SLC35F3: variants seen among roughly 807,000 people sequenced by gnomAD.
SLC35F3 encodes the protein solute carrier family 35 member F3.
SLC35F3 carries 25 observed loss-of-function variants against 49.9 expected under a neutral mutation model. That is an observed-to-expected ratio of 0.50 (90% CI 0.37 to 0.70). The LOEUF (loss-of-function observed/expected upper bound fraction) is 0.70. Among genes scored for constraint, SLC35F3 ranks in the 30% least tolerant of loss-of-function variants. The pLI is 0.00. For missense variants in SLC35F3, 525 were observed against 639.8 expected (o/e 0.82, Z 1.94); for synonymous variants, 275 against 265.4 (o/e 1.04, Z -0.35).
At chr1:234,238,959 T>A (rs77777505) in intron 3 of SLC35F3, among the ~76,000 whole-genome samples, 1 of 152,174 alleles carries the variant, frequency 6.6e-6, no homozygotes, top group African/African-American at 2.4e-5. Flanking sequence ...TCAATTTCAC[T>A]GAAATTCTTT....
At chr1:234,207,608 G>C (rs1051071167) in intron 2 of SLC35F3, among the ~76,000 whole-genome samples, 1 of 151,558 alleles carries the variant, frequency 6.6e-6, no homozygotes, top group Non-Finnish European at 1.5e-5. Context: ...TTACCTAGTT[G>C]GTGGTTTTCT....
chr1:234,150,174 C>T (rs182680006), intron 2 of SLC35F3, among the ~76,000 whole-genome samples: 98 of 152,306 alleles, frequency 6.4e-4, no homozygotes, highest in African/African-American at 2.3e-3. Flanking sequence ...GCTAATTGTC[C>T]GCATTTAAAT....
At chr1:234,098,129 C>T (rs1172257248) in intron 2 of SLC35F3, among the ~76,000 whole-genome samples, 1 of 115,430 alleles carries the variant, frequency 8.7e-6, no homozygotes, top group Non-Finnish European at 1.7e-5. Context: ...GTGGTGGTGG[C>T]AGTTCAGATG....
Position 233,974,370 on chromosome 1 carries a change from C to T in SLC35F3, c.283+68612C>T, listed in dbSNP as rs558283118. Reference sequence around the variant, plus strand: ...CGGCAGATTTTGTATTTTTAGTAGACGTAGTTTCTCCATGTTGGCCAGGCT... The same window carrying T: ...CGGCAGATTTTGTATTTTTAGTAGATGTAGTTTCTCCATGTTGGCCAGGCT... On this transcript the variant is annotated intron_variant, in intron 2 of 7. Coordinates refer to ENST00000366618, the MANE Select transcript of SLC35F3 (RefSeq NM_173508.4). Among the ~76,000 whole-genome samples the T allele has an allele frequency of 1.3e-4, 19 of 151,852 alleles. 1 individual carries two copies. In the East Asian group the frequency reaches 2.3e-3, roughly 19 times the overall value.
chr1:234,092,154 C>A (rs1192299653), intron 2 of SLC35F3, among the ~76,000 whole-genome samples: 3 of 152,198 alleles, frequency 2.0e-5, no homozygotes, highest in Non-Finnish European at 4.4e-5. Context: ...GGAAGTTTCT[C>A]CTGGAGGTTT....
At chr1:233,981,003 G>T (rs991726262) in intron 2 of SLC35F3, among the ~76,000 whole-genome samples, 5 of 152,142 alleles carry the variant, frequency 3.3e-5, no homozygotes, top group African/African-American at 1.2e-4. Flanking sequence ...TCACACACAT[G>T]GGAAGTGTCT....
chr1:233,986,568 CAT>C (rs1663269372), intron 2 of SLC35F3, among the ~76,000 whole-genome samples: 2 of 152,224 alleles, frequency 1.3e-5, no homozygotes, highest in South Asian at 4.1e-4. Context: ...ATAAAATATA[CAT>C]ATGTTTATGT....
intron 2 of SLC35F3, among the ~76,000 whole-genome samples, chr1:234,066,082 A>G (rs1054152135): frequency 6.6e-6 from 1 of 152,352 alleles, no homozygotes; most frequent in Admixed American, 6.5e-5. Context: ...TTTGGGGTCC[A>G]GTAGCTCGCT....
intron 1 of SLC35F3, among the ~76,000 whole-genome samples, 198 bp downstream of exon 1, chr1:233,905,328 T>C (rs945926930): frequency 6.6e-6 from 1 of 152,074 alleles, no homozygotes; most frequent in Non-Finnish European, 1.5e-5. Flanking sequence ...ACGCCCAGGA[T>C]AGGGCACTGG....
intron 2 of SLC35F3, among the ~76,000 whole-genome samples, chr1:234,029,816 C>A (rs1362691171): frequency 6.6e-6 from 1 of 152,086 alleles, no homozygotes; most frequent in Non-Finnish European, 1.5e-5. Context: ...GAGCCGTGAT[C>A]ATGCCACTGC....
At chr1:234,268,127 G>T (rs1180285740) in intron 3 of SLC35F3, among the ~76,000 whole-genome samples, 1 of 152,106 alleles carries the variant, frequency 6.6e-6, no homozygotes, top group African/African-American at 2.4e-5. Context: ...AGGTTGTAGC[G>T]AGCCGAGATC....
At chr1:234,030,880 G>C (rs1404502092) in intron 2 of SLC35F3, among the ~76,000 whole-genome samples, 1 of 152,142 alleles carries the variant, frequency 6.6e-6, no homozygotes, top group Non-Finnish European at 1.5e-5. Flanking sequence ...GACATTGCTT[G>C]TGAAGTCTGT....
intron 2 of SLC35F3, among the ~76,000 whole-genome samples, chr1:234,215,526 A>G (rs1032657991): frequency 2.6e-5 from 4 of 152,252 alleles, no homozygotes; most frequent in South Asian, 4.1e-4. Flanking sequence ...GCTCCCCTCT[A>G]GGCTTTTGCT....
intron 4 of SLC35F3, among the ~76,000 whole-genome samples, chr1:234,314,075 C>T (rs1657424089): frequency 6.6e-6 from 1 of 152,178 alleles, no homozygotes; most frequent in Non-Finnish European, 1.5e-5. Flanking sequence ...GTGGAAGGCC[C>T]ACAGCCAGGG....
intron 2 of SLC35F3, among the ~76,000 whole-genome samples, chr1:234,190,251 G>C (rs939974401): frequency 3.3e-5 from 5 of 152,128 alleles, no homozygotes; most frequent in African/African-American, 1.2e-4. Context: ...TGGTCTAAAT[G>C]CTCTGCTTAA....
intron 4 of SLC35F3, among the ~76,000 whole-genome samples, chr1:234,315,641 G>T (rs560246867): frequency 6.6e-6 from 1 of 152,342 alleles, no homozygotes; most frequent in South Asian, 2.1e-4. Flanking sequence ...TTAGCTATTT[G>T]ATATTGTTTT....
At chr1:234,186,399 C>G (rs1181938362) in intron 2 of SLC35F3, among the ~76,000 whole-genome samples, 2 of 152,328 alleles carry the variant, frequency 1.3e-5, no homozygotes, top group South Asian at 2.1e-4. Context: ...GGACTGATGC[C>G]AAATTTCAGT....
intron 2 of SLC35F3, among the ~76,000 whole-genome samples, chr1:234,185,519 C>A (rs1381730899): frequency 6.6e-6 from 1 of 152,190 alleles, no homozygotes; most frequent in Admixed American, 6.5e-5. Context: ...GTACCTAAGG[C>A]ATTAATGCTT....
intron 2 of SLC35F3, among the ~76,000 whole-genome samples, chr1:233,982,104 T>C (rs1478407256): frequency 6.6e-6 from 1 of 152,182 alleles, no homozygotes; most frequent in Non-Finnish European, 1.5e-5. Context: ...TTTAAATTTT[T>C]AGTAGAGATG....
Sources: allele counts gnomAD v4.1 joint callset (sites outside exome capture counted in the v4.1 genomes callset), GRCh38; gene constraint gnomAD v4.1.1; transcripts MANE v1.5; gene names NCBI Gene and HGNC (gene_info 2026-07-23, HGNC 2026-07-21).